The following SLC37A1 variants were observed in gnomAD, a reference collection of about 807,000 sequenced individuals.
The protein encoded by SLC37A1 is glucose-6-phosphate exchanger SLC37A1.
A neutral mutation model predicts 75.3 loss-of-function variants in SLC37A1; 49 were observed. That is an observed-to-expected ratio of 0.65 (90% CI 0.52 to 0.83). SLC37A1 has a LOEUF of 0.83. SLC37A1 is among the 40% of genes least tolerant of loss of function. The pLI is 0.00. For synonymous variants in SLC37A1, 268 were observed against 292.1 expected (o/e 0.92, Z 0.84); for missense variants, 566 against 695.0 (o/e 0.81, Z 2.09).
intron 17 of SLC37A1, among the ~76,000 whole-genome samples, chr21:42,572,126 G>C (rs2056188306): frequency 1.3e-5 from 2 of 152,184 alleles, no homozygotes; most frequent in Admixed American, 1.3e-4. Flanking sequence ...CAATGTGGAC[G>C]TGGAAACACC....
intron 11 of SLC37A1, chr21:42,561,471 G>A (rs1175445872): frequency 3.2e-5 from 5 of 156,940 alleles, no homozygotes; most frequent in African/African-American, 1.2e-4. Flanking sequence ...CCTGTGTGCT[G>A]ACACAATGGT....
At chr21:42,518,588 C>T in intron 2 of SLC37A1, 78 bp downstream of exon 2, 2 of 1,498,766 alleles carry the variant, frequency 1.3e-6, no homozygotes, top group Non-Finnish European at 1.9e-6. Flanking sequence ...TGTGTTGCCC[C>T]AGTTTCATTA....
At chr21:42,535,250 G>A (rs113600589) in intron 4 of SLC37A1, among the ~76,000 whole-genome samples, 11 of 152,324 alleles carry the variant, frequency 7.2e-5, no homozygotes, top group African/African-American at 1.2e-4. Flanking sequence ...TCTGAATGAC[G>A]CCTGTATTAT....
In SLC37A1 at chr21:42,562,386, T is replaced by A. The variant is rs547906623; in HGVS notation, c.1072+218T>A. 1.1e-4 allele frequency among the ~76,000 whole-genome samples: 17 copies of A among 152,330 alleles called. 1 individual carries two copies. The South Asian group carries it at 3.5e-3, about 32-fold the overall frequency. On this transcript the variant is annotated intron_variant, in intron 12 of 19. Coordinates refer to ENST00000352133, the MANE Select transcript of SLC37A1 (RefSeq NM_001320537.2). ...GGTAAACTTTATGGGGCTTCACGGT[T>A]GACACGTTCTATCCCAGCTAGGGCT...
chr21:42,507,003 C>T (rs1853187129), intron 2 of SLC37A1, among the ~76,000 whole-genome samples: 1 of 152,198 alleles, frequency 6.6e-6, no homozygotes, highest in Non-Finnish European at 1.5e-5. Flanking sequence ...CTGTCTCAGC[C>T]TCCCAAGTAG....
intron 3 of SLC37A1, among the ~76,000 whole-genome samples, chr21:42,532,177 G>A (rs1256185596): frequency 1.3e-5 from 2 of 152,162 alleles, no homozygotes; most frequent in African/African-American, 4.8e-5. Context: ...TAACCAGGAT[G>A]TGAGACCCCC....
chr21:42,544,183 G>A (rs976368390), intron 8 of SLC37A1, among the ~76,000 whole-genome samples: 1 of 152,220 alleles, frequency 6.6e-6, no homozygotes, highest in African/African-American at 2.4e-5. Context: ...GAATAGAGAT[G>A]CCCGGGTGGC....
intron 18 of SLC37A1, chr21:42,575,759 A>G: frequency 1.0e-6 from 1 of 985,414 alleles, no homozygotes; most frequent in Non-Finnish European, 1.2e-6. Flanking sequence ...CTTATATTTT[A>G]ATTCCAGGAA....
At chr21:42,532,418 G>A (rs890200108) in intron 3 of SLC37A1, among the ~76,000 whole-genome samples, 1 of 152,192 alleles carries the variant, frequency 6.6e-6, no homozygotes, top group African/African-American at 2.4e-5. Flanking sequence ...TCCCTCAGCC[G>A]GGGAATGTCC....
chr21:42,575,181 C>A (rs937730296), intron 18 of SLC37A1: 1 of 983,914 alleles, frequency 1.0e-6, no homozygotes, highest in Non-Finnish European at 1.2e-6. Context: ...CTAGATCCTG[C>A]CTGTCACCTG....
chr21:42,525,370 G>A (rs1384065455), intron 2 of SLC37A1, among the ~76,000 whole-genome samples: 1 of 152,212 alleles, frequency 6.6e-6, no homozygotes, highest in Admixed American at 6.5e-5. Flanking sequence ...GGCAGCCTCG[G>A]CCGGAGCCCC....
chr21:42,569,276 T>C (rs905644870), intron 17 of SLC37A1, among the ~76,000 whole-genome samples: 2 of 152,158 alleles, frequency 1.3e-5, no homozygotes, highest in Non-Finnish European at 2.9e-5. Flanking sequence ...AGGGAGCTGA[T>C]GTTGTTCTTG....
At chr21:42,570,233 G>A (rs1353007069) in intron 17 of SLC37A1, among the ~76,000 whole-genome samples, 1 of 134,434 alleles carries the variant, frequency 7.4e-6, no homozygotes, top group East Asian at 2.2e-4. Flanking sequence ...CCGTTGCCAT[G>A]TCATGTGACA....
At chr21:42,515,826 T>G (rs960474682) in intron 1 of SLC37A1, among the ~76,000 whole-genome samples, 2 of 152,184 alleles carry the variant, frequency 1.3e-5, no homozygotes, top group Non-Finnish European at 2.9e-5. Flanking sequence ...TGGTGCAATC[T>G]CAGCTCACTG....
rs768169722 is a variant in SLC37A1, at chr21:42,562,177, C to A, written c.1072+9C>A. The A allele has an allele frequency of 1.9e-6, 3 of 1,612,336 alleles. No individual in the cohort carries two copies. Among genetic ancestry groups the A allele is most frequent in the Non-Finnish European group, 2.5e-6 (3 of 1,178,524 alleles). Reference sequence around the variant, plus strand: ...GTACATCACGAATGTGGGTGAGTATCCACGCTAGAACACATTAAATTCCGC... The same window carrying A: ...GTACATCACGAATGTGGGTGAGTATACACGCTAGAACACATTAAATTCCGC... On this transcript the variant is annotated intron_variant, in intron 12 of 19. Coordinates refer to ENST00000352133, the MANE Select transcript of SLC37A1 (RefSeq NM_001320537.2).
chr21:42,522,504 G>A (rs548898543), intron 2 of SLC37A1, among the ~76,000 whole-genome samples: 14 of 152,178 alleles, frequency 9.2e-5, no homozygotes, highest in Non-Finnish European at 1.0e-4. Context: ...CAATAGTCAC[G>A]GGAGCTGAAG....
rs540599683 is a variant in SLC37A1, at chr21:42,580,631, G to T, written c.*271G>T. Reference sequence around the variant, plus strand: ...CCCGGCCGGCCCTGGCCTCACAGGCGTGTGCCCATGCAGCCACCCAAATGC... The same window carrying T: ...CCCGGCCGGCCCTGGCCTCACAGGCTTGTGCCCATGCAGCCACCCAAATGC... On this transcript the variant is annotated 3_prime_UTR_variant, in exon 20 of 20. Transcript: ENST00000352133. 2.3e-6 allele frequency: 1 copy of T among 429,856 alleles called. No individual in the cohort carries two copies. Among genetic ancestry groups the T allele is most frequent in the East Asian group, 4.8e-5 (1 of 20,836 alleles). 26.6% of individuals were successfully genotyped at this position (429,856 alleles called of 1,614,324 possible).
Position 42,514,602 on chromosome 21 carries a change from G to A in SLC37A1, c.-294G>A, listed in dbSNP as rs2054486370. On this transcript the variant is annotated 5_prime_UTR_variant, in exon 1 of 20. Transcript: ENST00000352133. This position sits in a 1 kb window ranked among gnomAD's most constrained non-coding sequence, Gnocchi z 4.8. ...CGTGGGCCTCCTGGCCAATGCGAGTGACAGCGACCTTCTGGGTTTATAATA... is the reference window on the plus strand; with the variant it reads ...CGTGGGCCTCCTGGCCAATGCGAGTAACAGCGACCTTCTGGGTTTATAATA... 1 of 152,252 alleles carries A rather than the reference G, an allele frequency of 6.6e-6. No individual in the cohort carries two copies. The highest frequency in any genetic ancestry group is 2.4e-5 in the African/African-American group (1 of 41,470). The allele number at this position is 152,252 out of a possible 1,614,324, so 9.4% of individuals were successfully genotyped here.
intron 1 of SLC37A1, among the ~76,000 whole-genome samples, chr21:42,500,579 A>G (rs1282721009): frequency 6.6e-6 from 1 of 152,158 alleles, no homozygotes; most frequent in Non-Finnish European, 1.5e-5. Flanking sequence ...TTTGTCTATC[A>G]GTATGTTTGG....
Sources: allele counts gnomAD v4.1 joint callset (sites outside exome capture counted in the v4.1 genomes callset), GRCh38; gene constraint gnomAD v4.1.1; non-coding constraint Gnocchi (gnomAD v3.1); transcripts MANE v1.5; gene names NCBI Gene and HGNC (gene_info 2026-07-23, HGNC 2026-07-21).